CNGA1: variants seen among roughly 807,000 people sequenced by gnomAD.
CNGA1 encodes the protein cyclic nucleotide gated channel subunit alpha 1.
A neutral mutation model predicts 69.7 loss-of-function variants in CNGA1; 53 were observed. That is an observed-to-expected ratio of 0.76 (90% CI 0.61 to 0.96). CNGA1 has a LOEUF of 0.96. Ranked by LOEUF, CNGA1 falls within the 40% of genes least tolerant of loss-of-function variation. The pLI, the probability that CNGA1 is intolerant of heterozygous loss-of-function variation, is 0.00. For synonymous variants in CNGA1, 249 were observed against 283.5 expected, an observed-to-expected ratio of 0.88 and a Z score of 1.22; for missense variants, 739 against 811.2, an observed-to-expected ratio of 0.91 and a Z score of 1.08.
At position 47,976,312 on chromosome 4, in the gene CNGA1, T is replaced by C. The variant is rs1322494712; in HGVS notation, c.-15+5081A>G. On this transcript the variant is annotated intron_variant, in intron 3 of 10. Coordinates refer to ENST00000514170, the MANE Select transcript of CNGA1 (RefSeq NM_001379270.1). Reference sequence around the variant, plus strand: ...ATATATATACACATACATATATATATACATATATATGTATATATATATATA... The same window carrying C: ...ATATATATACACATACATATATATACACATATATATGTATATATATATATA... Among the ~76,000 whole-genome samples the C allele has an allele frequency of 8.2e-5, 3 of 36,718 alleles. 1 individual carries two copies. The highest frequency in any genetic ancestry group is 7.2e-4 in the Admixed American group (2 of 2,782). 24.1% of individuals were successfully genotyped at this position (36,718 alleles called of 152,430 possible). A position where few individuals can be genotyped will look rare whatever the true frequency, so the allele number is the denominator to read the frequency against.
intron 2 of CNGA1, among the ~76,000 whole-genome samples, chr4:48,004,200 G>C (rs1052939918): frequency 6.6e-6 from 1 of 152,204 alleles, no homozygotes; most frequent in Non-Finnish European, 1.5e-5. Context: ...AGGGCCCCCT[G>C]TCCAGTGGAC....
intron 2 of CNGA1, among the ~76,000 whole-genome samples, chr4:48,007,022 T>C (rs2109352322): frequency 6.6e-6 from 1 of 152,202 alleles, no homozygotes; most frequent in South Asian, 2.1e-4. Flanking sequence ...AAATAAGTCA[T>C]TCATTTAACC....
At chr4:47,995,344 TTTC>T (rs1742436308) in intron 2 of CNGA1, among the ~76,000 whole-genome samples, 1 of 152,166 alleles carries the variant, frequency 6.6e-6, no homozygotes, top group Admixed American at 6.6e-5. Flanking sequence ...TTGTTCATAT[TTTC>T]TTATTCTTTT....
intron 3 of CNGA1, among the ~76,000 whole-genome samples, chr4:47,970,513 A>C (rs1740956871): frequency 6.6e-6 from 1 of 151,890 alleles, no homozygotes; most frequent in Admixed American, 6.6e-5. Flanking sequence ...TTAGTTGGGC[A>C]TGGTGGCGCA....
rs376378429 is a variant in CNGA1 at position 47,936,548 on chromosome 4, T to G, written c.1934A>C (p.Glu645Ala). The G allele has an allele frequency of 2.7e-5, 43 of 1,614,086 alleles. No homozygotes were observed. The African/African-American group carries it at 5.3e-4, about 20-fold the overall frequency. The change falls in exon 11 of 11, where the codon GAG becomes GCG. Residue 645 changes from glutamate (E) to alanine (A), a missense_variant. By Grantham distance (107) the Glu-to-Ala change is moderately radical. Transcript: ENST00000514170. ...TTGTTTCAGTTTCTGCTGCATGGAC[T>G]CATACTCAGCCAAGATTCGGGCAAA... ...TRFARILAEY[E>A]SMQQKLKQRL...
intron 3 of CNGA1, among the ~76,000 whole-genome samples, chr4:47,963,092 G>A (rs1740548669): frequency 6.6e-6 from 1 of 152,018 alleles, no homozygotes; most frequent in Admixed American, 6.6e-5. Context: ...TGGGTAGGTG[G>A]GAATACAGGC....
intron 2 of CNGA1, among the ~76,000 whole-genome samples, chr4:47,991,244 A>G (rs927730315): frequency 5.9e-5 from 9 of 152,208 alleles, no homozygotes; most frequent in Admixed American, 5.2e-4. Context: ...ACTGTCTTCC[A>G]TAGTGATTGC....
chr4:47,974,068 CTAGATAGATAGA>C (rs66992308), intron 3 of CNGA1, among the ~76,000 whole-genome samples: 7,953 of 137,954 alleles, frequency 0.058, 253 homozygotes, highest in Middle Eastern at 0.073. Context: ...AACCTGGTCT[CTAGATAGATAGA>C]TAGATAGATA....
At chr4:47,978,506 G>A (rs1157290463) in intron 3 of CNGA1, among the ~76,000 whole-genome samples, 2 of 151,934 alleles carry the variant, frequency 1.3e-5, no homozygotes, top group Non-Finnish European at 1.5e-5. Flanking sequence ...AATTATTACT[G>A]GTCTAGAGGA....
intron 2 of CNGA1, among the ~76,000 whole-genome samples, chr4:47,992,657 A>ATTTATTTAT (rs1553870333): frequency 6.9e-6 from 1 of 145,256 alleles, no homozygotes; most frequent in Admixed American, 7.0e-5. Context: ...GATGCCATTT[A>ATTTATTTAT]TTATTTATTT....
At chr4:47,939,692 G>T (rs577040825) in intron 10 of CNGA1, among the ~76,000 whole-genome samples, 148 of 152,292 alleles carry the variant, frequency 9.7e-4, no homozygotes, top group African/African-American at 3.3e-3. Flanking sequence ...TAACCCAGCT[G>T]GTGTTACAGA....
intron 10 of CNGA1, among the ~76,000 whole-genome samples, chr4:47,938,582 AG>A: frequency 6.6e-6 from 1 of 151,950 alleles, no homozygotes; most frequent in Non-Finnish European, 1.5e-5. Flanking sequence ...TAGTAGAGAC[AG>A]GGTTTCACCA....
At chr4:47,939,452 T>C (rs550778009) in intron 10 of CNGA1, among the ~76,000 whole-genome samples, 1 of 152,320 alleles carries the variant, frequency 6.6e-6, no homozygotes, top group South Asian at 2.1e-4. Flanking sequence ...ATTAATATAA[T>C]AGCGCAGTAA....
At chr4:47,987,940 G>C (rs979783945) in intron 2 of CNGA1, among the ~76,000 whole-genome samples, 8 of 152,282 alleles carry the variant, frequency 5.3e-5, no homozygotes, top group Middle Eastern at 3.4e-3. Flanking sequence ...GGCTAAGTTA[G>C]AGGAAGCAAG....
Position 47,942,755 on chromosome 4 carries a change from C to T in CNGA1, c.437+426G>A, listed in dbSNP as rs534212790. On this transcript the variant is annotated intron_variant, in intron 8 of 10. Coordinates refer to ENST00000514170, the MANE Select transcript of CNGA1 (RefSeq NM_001379270.1). ...AGCACAAACCTTATTGTGATCTGCG[C>T]GTGCAAGGGATCTAGGTTGCACACT... Among the ~76,000 whole-genome samples, 33 of 152,136 alleles carry T rather than the reference C, an allele frequency of 2.2e-4. 1 individual carries two copies. Among genetic ancestry groups the T allele is most frequent in the Admixed American group, 1.4e-3 (21 of 15,280 alleles).
In CNGA1 at chr4:47,956,855, G is replaced by A. The variant is rs149492861; in HGVS notation, c.-14-4152C>T. On this transcript the variant is annotated intron_variant, in intron 3 of 10. Transcript: ENST00000514170. ...AGAAAATTTAGGAGAAACATTAATG[G>A]TCAAACTGCCTTTTTTGCTGGCATT... Among the ~76,000 whole-genome samples the A allele has an allele frequency of 2.7e-3, 411 of 152,228 alleles. 2 individuals carry two copies. Among genetic ancestry groups the A allele is most frequent in the Middle Eastern group, 0.014 (4 of 294 alleles).
intron 2 of CNGA1, among the ~76,000 whole-genome samples, chr4:47,999,299 G>T (rs1714550781): frequency 6.6e-6 from 1 of 152,192 alleles, no homozygotes; most frequent in African/African-American, 2.4e-5. Flanking sequence ...CCCCCTGGGG[G>T]TCTTGGAACA....
intron 2 of CNGA1, among the ~76,000 whole-genome samples, chr4:47,993,511 T>C (rs1021417415): frequency 6.6e-6 from 1 of 152,172 alleles, no homozygotes; most frequent in African/African-American, 2.4e-5. Flanking sequence ...TCTTTTGTAT[T>C]TCTGTGATGT....
chr4:47,978,826 G>T (rs1741548188), intron 3 of CNGA1, among the ~76,000 whole-genome samples: 1 of 151,970 alleles, frequency 6.6e-6, no homozygotes, highest in South Asian at 2.1e-4. Context: ...TTTTGTCAAA[G>T]AAATTTCTTT....
Sources: gnomAD v4.1 joint callset for allele counts (sites outside exome capture counted in the v4.1 genomes callset) on GRCh38, gnomAD v4.1.1 for gene constraint, MANE v1.5 for transcripts, NCBI Gene and HGNC (gene_info 2026-07-23, HGNC 2026-07-21) for gene names.